NWD2: variants seen among roughly 807,000 people sequenced by gnomAD.
NWD2 encodes NACHT and WD repeat domain containing 2, also known as NACHT and WD repeat domain-containing protein 2.
In NWD2, 37 loss-of-function variants were observed where a neutral mutation model predicts 132.7. The observed-to-expected ratio is 0.28, with a 90% CI of 0.21 to 0.37. The LOEUF (loss-of-function observed/expected upper bound fraction) is 0.37. Among genes scored for constraint, NWD2 ranks in the 10% least tolerant of loss-of-function variants. The pLI is 1.00. For synonymous variants in NWD2, 705 were observed against 803.0 expected (o/e 0.88, Z 2.06); for missense variants, 1,592 against 2,122.4 (o/e 0.75, Z 4.91).
chr4:37,277,658 C>CT (rs560849493), intron 1 of NWD2, among the ~76,000 whole-genome samples: 24 of 151,486 alleles, frequency 1.6e-4, no homozygotes, highest in Non-Finnish European at 2.8e-4. Context: ...AAATGGTTTC[C>CT]TTTTTTTTAC....
intron 2 of NWD2, among the ~76,000 whole-genome samples, chr4:37,329,175 C>G (rs17575897): frequency 1.3e-5 from 2 of 151,960 alleles, no homozygotes. Flanking sequence ...GCATAACTCC[C>G]GATAATCCAT....
Position 37,444,082 on chromosome 4 carries a change from C to A in NWD2, c.2094C>A (p.Ser698Arg), listed in dbSNP as rs1027553692. ...MSELKENTRP[S>R]NPLRVPYLYI... ...AGCTCAAAGAAAACACCAGACCCAG[C>A]AATCCCCTGAGAGTACCTTACTTGT... Residue 698 changes from serine (S) to arginine (R), a missense_variant, in exon 7 of 7, where the codon AGC becomes AGA. Around this residue, in one of 7 missense-constraint regions of NWD2, gnomAD observed 1,071 missense variants for 1,398.0 expected, o/e 0.77. Transcript: ENST00000309447. This position sits in a 1 kb window ranked among gnomAD's most constrained non-coding sequence, Gnocchi z 4.8. The A allele has an allele frequency of 8.4e-6, 13 of 1,551,596 alleles. No individual in the cohort carries two copies. In the African/African-American group the frequency reaches 1.2e-4, roughly 15 times the overall value.
intron 5 of NWD2, among the ~76,000 whole-genome samples, chr4:37,435,847 T>A (rs1047224175): frequency 6.6e-6 from 1 of 152,186 alleles, no homozygotes; most frequent in Non-Finnish European, 1.5e-5. Flanking sequence ...ACAATTTTAC[T>A]TATTTTACGT....
In NWD2 at chr4:37,438,720, G is replaced by T; in HGVS notation, c.707-81G>T. 4.6e-6 allele frequency: 4 copies of T among 871,814 alleles called. No individual in the cohort carries two copies. The African/African-American group carries it at 6.8e-5, about 15-fold the overall frequency. 54.0% of individuals were successfully genotyped at this position (871,814 alleles called of 1,614,324 possible). ...ATAAGCAAAATAATTTACCACTAAT[G>T]ACTAAGTGTTGACTATTGAGAATGT... On this transcript the variant is annotated intron_variant, in intron 5 of 6. Coordinates refer to ENST00000309447, the MANE Select transcript of NWD2 (RefSeq NM_001144990.2).
In NWD2 at chr4:37,297,952, A is replaced by G. The variant is rs559860525; in HGVS notation, c.152-27984A>G. Reference sequence around the variant, plus strand: ...AAAATCATTGATGTTCCAGCTAGAGACCCCCAGGAACACCCCTAGGTTGAA... The same window carrying G: ...AAAATCATTGATGTTCCAGCTAGAGGCCCCCAGGAACACCCCTAGGTTGAA... On this transcript the variant is annotated intron_variant, in intron 1 of 6. Coordinates refer to ENST00000309447, the MANE Select transcript of NWD2 (RefSeq NM_001144990.2). Among the ~76,000 whole-genome samples the G allele has an allele frequency of 3.3e-5, 5 of 151,842 alleles. No individual in the cohort carries two copies. The South Asian group carries it at 8.4e-4, about 25-fold the overall frequency.
At chr4:37,313,544 G>A (rs1011243291) in intron 1 of NWD2, among the ~76,000 whole-genome samples, 18 of 150,540 alleles carry the variant, frequency 1.2e-4, no homozygotes, top group South Asian at 6.2e-4. Flanking sequence ...TCTTGCTAGC[G>A]GTCTATCAAT....
intron 1 of NWD2, among the ~76,000 whole-genome samples, chr4:37,280,449 C>G (rs182380431): frequency 2.0e-5 from 3 of 152,212 alleles, no homozygotes; most frequent in Non-Finnish European, 4.4e-5. Flanking sequence ...TGCCAGTTCA[C>G]CTAATGGGCA....
intron 1 of NWD2, among the ~76,000 whole-genome samples, chr4:37,308,483 G>A (rs755986453): frequency 4.6e-5 from 7 of 152,166 alleles, no homozygotes; most frequent in African/African-American, 1.4e-4. Flanking sequence ...GGGGTATGCT[G>A]GTCAGGGCGG....
intron 1 of NWD2, among the ~76,000 whole-genome samples, chr4:37,269,612 T>C (rs1003566529): frequency 2.6e-5 from 4 of 151,910 alleles, no homozygotes; most frequent in Non-Finnish European, 5.9e-5. Context: ...ACCTTTTACA[T>C]TGGGTCCTGC....
At position 37,422,173 on chromosome 4, in the gene NWD2, A is replaced by G. The variant is rs1215249529; in HGVS notation, c.358-8399A>G. 2.0e-5 allele frequency among the ~76,000 whole-genome samples: 3 copies of G among 152,182 alleles called. No homozygotes were observed. The East Asian group carries it at 5.8e-4, about 29-fold the overall frequency. ...AATACTGGCCTTTCTTTATAGAGAAACTGAATTTAAGTAACTCAATTCCTG... is the reference window on the plus strand; with the variant it reads ...AATACTGGCCTTTCTTTATAGAGAAGCTGAATTTAAGTAACTCAATTCCTG... On this transcript the variant is annotated intron_variant, in intron 3 of 6. Transcript: ENST00000309447.
At chr4:37,332,391 C>G (rs1719312528) in intron 2 of NWD2, among the ~76,000 whole-genome samples, 1 of 151,652 alleles carries the variant, frequency 6.6e-6, no homozygotes, top group Non-Finnish European at 1.5e-5. Flanking sequence ...GTTCCCCATT[C>G]CAGGCCCTAG....
intron 3 of NWD2, among the ~76,000 whole-genome samples, chr4:37,383,630 T>C (rs1370432693): frequency 2.6e-5 from 4 of 152,168 alleles, no homozygotes; most frequent in Non-Finnish European, 4.4e-5. Context: ...CTCTATCACC[T>C]GAAAACTCAC....
At chr4:37,353,186 C>G (rs947229938) in intron 2 of NWD2, among the ~76,000 whole-genome samples, 3 of 152,338 alleles carry the variant, frequency 2.0e-5, no homozygotes, top group Middle Eastern at 3.4e-3. Context: ...GGCCGCCACT[C>G]TCTTCTGGCT....
intron 3 of NWD2, among the ~76,000 whole-genome samples, chr4:37,417,536 T>A (rs1711657259): frequency 6.6e-6 from 1 of 152,124 alleles, no homozygotes; most frequent in Admixed American, 6.5e-5. Flanking sequence ...GATTTGCAGG[T>A]CAAAAGGGAA....
At chr4:37,253,751 G>A (rs1560377687) in intron 1 of NWD2, among the ~76,000 whole-genome samples, 1 of 152,150 alleles carries the variant, frequency 6.6e-6, no homozygotes, top group African/African-American at 2.4e-5. Flanking sequence ...CTATAAATAA[G>A]TTGTTTAAAG....
rs117010269 is a variant in NWD2, at chr4:37,316,416, T to C, written c.152-9520T>C. 4.1e-3 allele frequency among the ~76,000 whole-genome samples: 625 copies of C among 152,214 alleles called. 26 individuals carry two copies. The East Asian group carries it at 0.091, about 22-fold the overall frequency. On this transcript the variant is annotated intron_variant, in intron 1 of 6. Coordinates refer to ENST00000309447, the MANE Select transcript of NWD2 (RefSeq NM_001144990.2). ...TCTCTTGGTGTCAAGATTTTCTCTT[T>C]ATCTTTTGTTTTAACAGTTTGACTA...
At position 37,305,165 on chromosome 4, in the gene NWD2, A is replaced by G. The variant is rs572800436; in HGVS notation, c.152-20771A>G. 4.8e-3 allele frequency among the ~76,000 whole-genome samples: 725 copies of G among 152,324 alleles called. 4 individuals are homozygous for G. The highest frequency in any genetic ancestry group is 8.0e-3 in the Non-Finnish European group (541 of 68,032). ...AGCTCTATGTTGGCCCCTTTCAGCC[A>G]TGGCTGCAGTGGTTGGGACACATGG... On this transcript the variant is annotated intron_variant, in intron 1 of 6. Transcript: ENST00000309447.
At chr4:37,385,106 A>T (rs996375141) in intron 3 of NWD2, among the ~76,000 whole-genome samples, 1 of 152,182 alleles carries the variant, frequency 6.6e-6, no homozygotes, top group Admixed American at 6.5e-5. Context: ...TCATGGAGTG[A>T]TGTAGACACC....
chr4:37,359,860 G>C (rs116164462), intron 3 of NWD2, among the ~76,000 whole-genome samples: 2 of 80,096 alleles, frequency 2.5e-5, no homozygotes, highest in Admixed American at 1.2e-4. Flanking sequence ...TTACACACAT[G>C]TTTTTGTCCA....
Sources: allele counts gnomAD v4.1 joint callset (sites outside exome capture counted in the v4.1 genomes callset), GRCh38; gene constraint gnomAD v4.1.1; regional missense constraint gnomAD v4.1.1; non-coding constraint Gnocchi (gnomAD v3.1); transcripts MANE v1.5; gene names NCBI Gene and HGNC (gene_info 2026-07-23, HGNC 2026-07-21).